The following FAAH2 variants were observed in gnomAD, a reference collection of about 807,000 sequenced individuals.
FAAH2 encodes the protein fatty acid amide hydrolase 2, also known as fatty-acid amide hydrolase 2.
In FAAH2, 60 loss-of-function variants were observed where a neutral mutation model predicts 36.9. That is an observed-to-expected ratio of 1.63 (90% CI 1.32 to 2.02). The LOEUF is 2.02. Among genes scored for constraint, FAAH2 ranks in the 30% most tolerant of loss-of-function variants. The probability of loss-of-function intolerance (pLI) is 0.00; values close to 1 mark genes in which losing one functional copy is unlikely to be tolerated. For synonymous variants in FAAH2, 214 were observed against 143.8 expected (o/e 1.49, Z -3.49); for missense variants, 689 against 397.5 (o/e 1.73, Z -6.23).
chrX:57,429,247 G>A (rs1602633723), intron 7 of FAAH2, among the ~76,000 whole-genome samples: 1 of 108,056 alleles, frequency 9.3e-6, no homozygotes, highest in East Asian at 2.9e-4. Context: ...GCTGAGGCAG[G>A]AGAATGGCGT....
chrX:57,289,778 A>G (rs1477130423), intron 1 of FAAH2, among the ~76,000 whole-genome samples: 1 of 111,306 alleles, frequency 9.0e-6, no homozygotes, highest in Non-Finnish European at 1.9e-5. Flanking sequence ...AATATAAGGT[A>G]CTGAACAATG....
chrX:57,245,556 G>C, the FAAH2 span, among the ~76,000 whole-genome samples: 10 of 112,188 alleles, frequency 8.9e-5, no homozygotes, highest in Non-Finnish European at 1.7e-4. Flanking sequence ...AATCAAATTA[G>C]AACTCAGGAT....
the FAAH2 span, among the ~76,000 whole-genome samples, chrX:57,234,575 C>A: frequency 8.9e-6 from 1 of 111,743 alleles, no homozygotes; most frequent in Non-Finnish European, 1.9e-5. Context: ...ACAGTCCCAT[C>A]TTGGGGTAAT....
chrX:57,327,662 G>C (rs1344067677), intron 3 of FAAH2, among the ~76,000 whole-genome samples: 2 of 111,600 alleles, frequency 1.8e-5, no homozygotes, highest in African/African-American at 6.5e-5. Flanking sequence ...TCATCATGTA[G>C]TTCTGGTGCT....
At chrX:57,212,210 G>T in the FAAH2 span, among the ~76,000 whole-genome samples, 4 of 112,088 alleles carry the variant, frequency 3.6e-5, no homozygotes, top group African/African-American at 1.3e-4. Context: ...CCCCAGCCTA[G>T]GTGACAGAGC....
chrX:57,314,347 A>C lies in FAAH2; in HGVS notation c.412+3618A>C, dbSNP rs769037838. ...CAGATCATCGAGGCAGAAAACTAAC[A>C]AAAGAAACTCAGGGCTTCACCTCAA... On this transcript the variant is annotated intron_variant, in intron 3 of 10. Coordinates refer to ENST00000374900, the MANE Select transcript of FAAH2 (RefSeq NM_174912.4). Among the ~76,000 whole-genome samples, 177 of 111,269 alleles carry C rather than the reference A, an allele frequency of 1.6e-3. No homozygotes were observed. The Middle Eastern group carries it at 0.032, about 20-fold the overall frequency.
At chrX:57,125,947 A>T in the FAAH2 span, among the ~76,000 whole-genome samples, 1 of 112,125 alleles carries the variant, frequency 8.9e-6, no homozygotes, top group Non-Finnish European at 1.9e-5. Flanking sequence ...TATATTGTAT[A>T]TGTTGGGGTA....
At chrX:57,377,825 A>G (rs1457786463) in intron 5 of FAAH2, among the ~76,000 whole-genome samples, 1 of 112,003 alleles carries the variant, frequency 8.9e-6, no homozygotes, top group Non-Finnish European at 1.9e-5. Flanking sequence ...TTCCTTGAGC[A>G]GTGGTTTGTA....
At chrX:57,364,972 A>G (rs2054378166) in intron 5 of FAAH2, among the ~76,000 whole-genome samples, 1 of 111,826 alleles carries the variant, frequency 8.9e-6, no homozygotes, top group Non-Finnish European at 1.9e-5. Flanking sequence ...ATGGTGGAGC[A>G]TATGGTTGAG....
At chrX:57,327,860 C>T in intron 3 of FAAH2, among the ~76,000 whole-genome samples, 1 of 111,916 alleles carries the variant, frequency 8.9e-6, no homozygotes, top group East Asian at 2.8e-4. Context: ...ATTCTCCATC[C>T]AGCTTTGTTG....
At chrX:57,294,447 A>C (rs188756670) in intron 2 of FAAH2, among the ~76,000 whole-genome samples, 1 of 111,854 alleles carries the variant, frequency 8.9e-6, no homozygotes, top group Non-Finnish European at 1.9e-5. Flanking sequence ...CTGTTCTTCC[A>C]TCCAGTCACA....
chrX:57,459,809 A>G (rs1006144230), intron 10 of FAAH2, among the ~76,000 whole-genome samples: 14 of 112,070 alleles, frequency 1.2e-4, no homozygotes, highest in South Asian at 7.5e-4. Context: ...CAACATCAGC[A>G]TAAAGAAACC....
chrX:57,211,305 G>A, the FAAH2 span, among the ~76,000 whole-genome samples: 2 of 111,855 alleles, frequency 1.8e-5, no homozygotes, highest in African/African-American at 3.3e-5. Context: ...TGGCAAGGCA[G>A]CAGTTTCTTC....
chrX:57,186,143 C>T, the FAAH2 span, among the ~76,000 whole-genome samples: 3 of 111,728 alleles, frequency 2.7e-5, no homozygotes, highest in Non-Finnish European at 5.6e-5. Flanking sequence ...GAGGAATCAC[C>T]ACACTGTCTT....
At chrX:57,325,377 T>C (rs2053182573) in intron 3 of FAAH2, among the ~76,000 whole-genome samples, 1 of 111,793 alleles carries the variant, frequency 8.9e-6, no homozygotes, top group Non-Finnish European at 1.9e-5. Flanking sequence ...GAGGATTCCC[T>C]ATTTTTCTAT....
intron 10 of FAAH2, among the ~76,000 whole-genome samples, chrX:57,468,729 A>G (rs760737324): frequency 9.0e-6 from 1 of 111,435 alleles, no homozygotes; most frequent in African/African-American, 3.3e-5. Flanking sequence ...CAACATTCAG[A>G]TCCAGGAAAT....
the FAAH2 span, among the ~76,000 whole-genome samples, chrX:57,203,532 C>T: frequency 1.3e-4 from 15 of 111,861 alleles, no homozygotes; most frequent in Non-Finnish European, 2.4e-4. Flanking sequence ...CCAATATGTC[C>T]CCCTTTGTTT....
intron 3 of FAAH2, among the ~76,000 whole-genome samples, chrX:57,314,208 C>A (rs1305119857): frequency 9.0e-6 from 1 of 111,721 alleles, no homozygotes; most frequent in Non-Finnish European, 1.9e-5. Flanking sequence ...AATATGTATG[C>A]ACCCAACATT....
At chrX:57,243,969 C>G in the FAAH2 span, among the ~76,000 whole-genome samples, 91 of 108,670 alleles carry the variant, frequency 8.4e-4, no homozygotes, top group African/African-American at 3.0e-3. Flanking sequence ...GGAGCATGTT[C>G]TAACCCAATG....
Sources: allele counts gnomAD v4.1 joint callset (sites outside exome capture counted in the v4.1 genomes callset), GRCh38; gene constraint gnomAD v4.1.1; transcripts MANE v1.5; gene names NCBI Gene and HGNC (gene_info 2026-07-23, HGNC 2026-07-21).